Variants in PITPNC1 observed in about 807,000 individuals in gnomAD.
PITPNC1 encodes cytoplasmic phosphatidylinositol transfer protein 1.
PITPNC1 carries 18 observed loss-of-function variants against 44.7 expected under a neutral mutation model. That is an observed-to-expected ratio of 0.40 (90% CI 0.28 to 0.60). The LOEUF (loss-of-function observed/expected upper bound fraction) is 0.60, where lower values mean the gene tolerates loss of function less well. Among genes scored for constraint, PITPNC1 ranks in the 20% least tolerant of loss-of-function variants. PITPNC1 has a pLI of 0.39. For synonymous variants in PITPNC1, 141 were observed against 149.6 expected, an observed-to-expected ratio of 0.94 and a Z score of 0.42; for missense variants, 290 against 418.4, an observed-to-expected ratio of 0.69 and a Z score of 2.68.
In PITPNC1 at chr17:67,531,899, C is replaced by T. The variant is rs150200132; in HGVS notation, c.49-903C>T. The stretch of plus-strand genomic sequence containing the variant: ...TTGTTTAATTTCCTCCTTCCTCTCT[C>T]CCCCTCCCCTCTCTCTTTTCCATCA... On this transcript the variant is annotated intron_variant, in intron 1 of 8. Coordinates refer to ENST00000581322, the MANE Select transcript of PITPNC1 (RefSeq NM_012417.4). Among the ~76,000 whole-genome samples, 921 of 152,286 alleles carry T rather than the reference C, an allele frequency of 6.0e-3. 7 individuals are homozygous for T. The highest frequency in any genetic ancestry group is 0.021 in the African/African-American group (857 of 41,558).
At chr17:67,480,603 A>C (rs1314284542) in intron 1 of PITPNC1, among the ~76,000 whole-genome samples, 2 of 152,192 alleles carry the variant, frequency 1.3e-5, no homozygotes, top group Admixed American at 6.5e-5. Flanking sequence ...GAGAGTCTAT[A>C]AACCGATATG....
intron 1 of PITPNC1, among the ~76,000 whole-genome samples, chr17:67,433,127 T>C (rs1324569425): frequency 6.6e-6 from 1 of 152,086 alleles, no homozygotes; most frequent in Non-Finnish European, 1.5e-5. Flanking sequence ...TTGTAGATAT[T>C]TGGCAAAAGA....
intron 1 of PITPNC1, among the ~76,000 whole-genome samples, chr17:67,444,661 T>C (rs2039068641): frequency 6.6e-6 from 1 of 151,958 alleles, no homozygotes; most frequent in South Asian, 2.1e-4. Context: ...CTTTGGGAAG[T>C]TGAGGCAGGA....
intron 6 of PITPNC1, among the ~76,000 whole-genome samples, chr17:67,665,154 A>G (rs2042404517): frequency 6.6e-6 from 1 of 152,104 alleles, no homozygotes; most frequent in African/African-American, 2.4e-5. Flanking sequence ...GTGCAGTGGC[A>G]TGTTTACAGC....
chr17:67,638,194 T>C (rs2042054917), intron 6 of PITPNC1: 1 of 152,220 alleles, frequency 6.6e-6, no homozygotes. Flanking sequence ...GGAGCATGCC[T>C]GCAGAGGCCA....
At chr17:67,398,552 G>A (rs982394464) in intron 1 of PITPNC1, among the ~76,000 whole-genome samples, 2 of 152,032 alleles carry the variant, frequency 1.3e-5, no homozygotes, top group African/African-American at 4.8e-5. Flanking sequence ...GACCAGTGCC[G>A]GCTGCAGGAG....
chr17:67,450,719 G>A (rs1479418650), intron 1 of PITPNC1, among the ~76,000 whole-genome samples: 3 of 152,112 alleles, frequency 2.0e-5, no homozygotes, highest in South Asian at 2.1e-4. Context: ...CACCATGCTC[G>A]GCCCATTTTA....
At chr17:67,378,497 A>C (rs2037905371) in intron 1 of PITPNC1, among the ~76,000 whole-genome samples, 1 of 152,046 alleles carries the variant, frequency 6.6e-6, no homozygotes, top group Non-Finnish European at 1.5e-5. Context: ...CCTCCCTCCA[A>C]ATAAGAAAAT....
chr17:67,607,713 C>T (rs2041626601), intron 5 of PITPNC1, among the ~76,000 whole-genome samples: 1 of 151,474 alleles, frequency 6.6e-6, no homozygotes, highest in Admixed American at 6.6e-5. Context: ...ATCATGACTC[C>T]TTAACTTTTT....
chr17:67,681,708 C>T (rs2042711969), intron 8 of PITPNC1, among the ~76,000 whole-genome samples: 1 of 148,540 alleles, frequency 6.7e-6, no homozygotes, highest in African/African-American at 2.5e-5. Context: ...AGCCAATAAA[C>T]TTACTAGTAA....
chr17:67,583,092 G>A (rs2041257102), intron 5 of PITPNC1, among the ~76,000 whole-genome samples: 1 of 152,188 alleles, frequency 6.6e-6, no homozygotes, highest in African/African-American at 2.4e-5. Context: ...TGGGTCCTGG[G>A]CGCAGGCTGG....
intron 4 of PITPNC1, among the ~76,000 whole-genome samples, chr17:67,566,995 T>C (rs915952513): frequency 6.6e-6 from 1 of 152,260 alleles, no homozygotes; most frequent in Admixed American, 6.5e-5. Flanking sequence ...TGGGGATGTA[T>C]GAGGGTTAAT....
At chr17:67,453,589 T>C (rs886253232) in intron 1 of PITPNC1, among the ~76,000 whole-genome samples, 2 of 152,126 alleles carry the variant, frequency 1.3e-5, no homozygotes, top group Non-Finnish European at 2.9e-5. Context: ...AGTAAACAAA[T>C]ATGTCAGGCT....
chr17:67,387,645 CAG>C (rs2038074809), intron 1 of PITPNC1, among the ~76,000 whole-genome samples: 1 of 152,200 alleles, frequency 6.6e-6, no homozygotes, highest in African/African-American at 2.4e-5. Context: ...GCCTGGCTGA[CAG>C]AGCGAAACTC....
At chr17:67,502,066 G>A (rs145751792) in intron 1 of PITPNC1, among the ~76,000 whole-genome samples, 55 of 152,268 alleles carry the variant, frequency 3.6e-4, no homozygotes, top group Admixed American at 6.5e-4. Flanking sequence ...TTTGGGAGGC[G>A]TTAACCATTC....
intron 5 of PITPNC1, chr17:67,611,458 TTTG>T (rs1598884819): frequency 6.6e-6 from 1 of 152,174 alleles, no homozygotes; most frequent in Admixed American, 6.5e-5. Flanking sequence ...GATGAATGGT[TTTG>T]TTGTTGTTTT....
intron 2 of PITPNC1, among the ~76,000 whole-genome samples, chr17:67,546,356 T>A (rs1056922714): frequency 1.3e-5 from 2 of 151,832 alleles, no homozygotes; most frequent in African/African-American, 4.8e-5. Flanking sequence ...ATAGAGCACA[T>A]GGGGTGCTTC....
At chr17:67,415,265 A>T (rs987954317) in intron 1 of PITPNC1, among the ~76,000 whole-genome samples, 5 of 152,148 alleles carry the variant, frequency 3.3e-5, no homozygotes, top group African/African-American at 1.2e-4. Context: ...TCCAACTGAA[A>T]TGCCACATTA....
intron 1 of PITPNC1, among the ~76,000 whole-genome samples, chr17:67,385,733 C>G (rs1350992255): frequency 5.0e-5 from 5 of 100,516 alleles, no homozygotes; most frequent in Non-Finnish European, 1.1e-4. Flanking sequence ...GGCTAGCTGT[C>G]TGGCAAAGCT....
Sources: allele counts gnomAD v4.1 joint callset (sites outside exome capture counted in the v4.1 genomes callset), GRCh38; gene constraint gnomAD v4.1.1; transcripts MANE v1.5; gene names NCBI Gene and HGNC (gene_info 2026-07-23, HGNC 2026-07-21).